RANBP2: variants seen among roughly 807,000 people sequenced by gnomAD.
RANBP2 encodes E3 SUMO-protein ligase RanBP2.
Under a neutral mutation model 303.6 loss-of-function variants are expected in RANBP2, and 57 were observed. The observed-to-expected ratio is 0.19, with a 90% confidence interval of 0.15 to 0.23. The LOEUF (loss-of-function observed/expected upper bound fraction) is 0.23. Ranked by LOEUF, RANBP2 falls within the 10% of genes least tolerant of loss-of-function variation. The probability of loss-of-function intolerance (pLI) is 1.00; values close to 1 mark genes in which losing one functional copy is unlikely to be tolerated. For missense variants in RANBP2, 3,138 were observed against 3,780.8 expected, an observed-to-expected ratio of 0.83 and a Z score of 4.46; for synonymous variants, 1,167 against 1,301.5, an observed-to-expected ratio of 0.90 and a Z score of 2.23.
the RANBP2 span, among the ~76,000 whole-genome samples, chr2:109,113,924 T>A: frequency 6.6e-6 from 1 of 152,276 alleles, no homozygotes; most frequent in Non-Finnish European, 1.5e-5. Context: ...TCTGTTTATA[T>A]GCTGGATTAC....
the RANBP2 span, among the ~76,000 whole-genome samples, chr2:108,892,827 C>T: frequency 1.3e-5 from 2 of 152,296 alleles, no homozygotes; most frequent in Non-Finnish European, 2.9e-5. Context: ...TCCTTCCCTG[C>T]TTTTGGTGTT....
At chr2:109,170,494 C>T in the RANBP2 span, among the ~76,000 whole-genome samples, 2 of 152,164 alleles carry the variant, frequency 1.3e-5, no homozygotes, top group South Asian at 4.2e-4. Flanking sequence ...TGCAGGCGCA[C>T]ACCACCATGC....
At chr2:109,200,403 C>A in the RANBP2 span, among the ~76,000 whole-genome samples, 2 of 152,182 alleles carry the variant, frequency 1.3e-5, no homozygotes, top group Non-Finnish European at 2.9e-5. Context: ...GTCTTTCTCT[C>A]TTTCCCTCCA....
the RANBP2 span, among the ~76,000 whole-genome samples, chr2:109,190,945 G>A: frequency 2.0e-5 from 3 of 151,448 alleles, no homozygotes; most frequent in African/African-American, 7.3e-5. Context: ...TATTTTTATG[G>A]GGGAGATAAT....
the RANBP2 span, among the ~76,000 whole-genome samples, chr2:109,158,338 C>T: frequency 5.3e-5 from 8 of 152,288 alleles, no homozygotes; most frequent in African/African-American, 9.6e-5. Flanking sequence ...ACTCCCTCAA[C>T]GCTTAGGTGT....
the RANBP2 span, among the ~76,000 whole-genome samples, chr2:109,445,087 T>C: frequency 6.6e-6 from 1 of 151,988 alleles, no homozygotes; most frequent in South Asian, 2.1e-4. Flanking sequence ...CTAGACACAG[T>C]TGAAAGTGGA....
chr2:109,591,846 G>A, the RANBP2 span, among the ~76,000 whole-genome samples: 1 of 151,934 alleles, frequency 6.6e-6, no homozygotes, highest in African/African-American at 2.4e-5. Flanking sequence ...TGAGTGAGCC[G>A]AGATTGCACC....
the RANBP2 span, among the ~76,000 whole-genome samples, chr2:108,923,997 G>A: frequency 6.6e-6 from 1 of 152,258 alleles, no homozygotes; most frequent in Non-Finnish European, 1.5e-5. Context: ...GCTGTCCAGA[G>A]AGGTCAATGC....
At chr2:109,578,466 A>C in the RANBP2 span, among the ~76,000 whole-genome samples, 21,357 of 152,196 alleles carry the variant, frequency 0.14, 2,092 homozygotes, top group African/African-American at 0.28. Context: ...GGAGATTAGA[A>C]ATCTACTGAA....
chr2:109,119,292 C>T, the RANBP2 span, among the ~76,000 whole-genome samples: 22 of 152,260 alleles, frequency 1.4e-4, no homozygotes, highest in African/African-American at 2.2e-4. Flanking sequence ...AGGAAGGGAC[C>T]ACCATCATCC....
the RANBP2 span, among the ~76,000 whole-genome samples, chr2:109,636,540 A>C: frequency 6.6e-6 from 1 of 152,184 alleles, no homozygotes; most frequent in Non-Finnish European, 1.5e-5. Context: ...TCCAGATTAA[A>C]GGAGACCCAA....
At chr2:109,508,922 C>CG in the RANBP2 span, among the ~76,000 whole-genome samples, 2 of 152,148 alleles carry the variant, frequency 1.3e-5, no homozygotes, top group African/African-American at 2.4e-5. Flanking sequence ...AAGCCCGGGA[C>CG]GGGGGGATGC....
At chr2:109,035,495 C>T in the RANBP2 span, among the ~76,000 whole-genome samples, 14 of 152,022 alleles carry the variant, frequency 9.2e-5, no homozygotes, top group South Asian at 2.1e-4. Context: ...CACCCCACCC[C>T]GCCCTTACCC....
chr2:109,361,609 G>A, the RANBP2 span, among the ~76,000 whole-genome samples: 1 of 152,130 alleles, frequency 6.6e-6, no homozygotes, highest in African/African-American at 2.4e-5. Context: ...AAGTAGCTGG[G>A]ACTACAGGCA....
the RANBP2 span, among the ~76,000 whole-genome samples, chr2:109,091,664 C>G: frequency 6.6e-6 from 1 of 152,192 alleles, no homozygotes; most frequent in South Asian, 2.1e-4. Context: ...GTAGCCCCCT[C>G]CAGCAATGGA....
At chr2:109,493,820 C>T in the RANBP2 span, among the ~76,000 whole-genome samples, 1 of 152,126 alleles carries the variant, frequency 6.6e-6, no homozygotes, top group Non-Finnish European at 1.5e-5. Context: ...ACACACTATA[C>T]ACAAATTGTA....
the RANBP2 span, among the ~76,000 whole-genome samples, chr2:109,254,963 T>C: frequency 6.6e-6 from 1 of 152,196 alleles, no homozygotes; most frequent in Admixed American, 6.5e-5. Context: ...TGAACACCTA[T>C]GTGGGGCTCT....
the RANBP2 span, among the ~76,000 whole-genome samples, chr2:109,522,360 C>T: frequency 1.7e-3 from 262 of 151,456 alleles, 1 homozygote; most frequent in African/African-American, 6.1e-3. Context: ...GGCGCAATCT[C>T]GGCTCACTGC....
chr2:109,049,204 C>T, the RANBP2 span, among the ~76,000 whole-genome samples: 1 of 152,178 alleles, frequency 6.6e-6, no homozygotes, highest in Non-Finnish European at 1.5e-5. Flanking sequence ...AGGGAGTTTA[C>T]ACTTCATCCT....
Sources: gnomAD v4.1 joint callset for allele counts (sites outside exome capture counted in the v4.1 genomes callset) on GRCh38, gnomAD v4.1.1 for gene constraint, MANE v1.5 for transcripts, NCBI Gene and HGNC (gene_info 2026-07-23, HGNC 2026-07-21) for gene names.